The following OR4N2 variants were observed in gnomAD, a reference collection of about 807,000 sequenced individuals.
OR4N2 encodes the protein olfactory receptor 4N2.
For missense variants in OR4N2, 307 were observed against 377.6 expected, an observed-to-expected ratio of 0.81 and a Z score of 1.55; for synonymous variants, 141 against 140.4, an observed-to-expected ratio of 1.00 and a Z score of -0.03.
chr14:19,820,594 G>A (rs1238250545), intron 1 of OR4N2, among the ~76,000 whole-genome samples: 1 of 152,226 alleles, frequency 6.6e-6, no homozygotes, highest in Admixed American at 6.5e-5. Flanking sequence ...GCCCCTGACT[G>A]GGGACGCTGC....
intron 1 of OR4N2, among the ~76,000 whole-genome samples, chr14:19,813,512 T>C (rs1594395767): frequency 6.6e-6 from 1 of 152,260 alleles, no homozygotes; most frequent in African/African-American, 2.4e-5. Context: ...CTGCAGTAGA[T>C]TTTTCCTTAG....
intron 1 of OR4N2, among the ~76,000 whole-genome samples, chr14:19,811,403 C>T (rs202062253): frequency 3.3e-5 from 5 of 152,180 alleles, no homozygotes; most frequent in Admixed American, 3.3e-4. Context: ...CCCACCACCA[C>T]GCCTGGCTAA....
At position 19,827,687 on chromosome 14, in the gene OR4N2, G is replaced by C. The variant is rs139404162; in HGVS notation, c.239G>C (p.Arg80Pro). Residue 80 changes from arginine (R) to proline (P), a missense_variant, in exon 2 of 2, where the codon CGG becomes CCG. Arg to Pro is a moderately radical substitution (Grantham distance 103). Coordinates refer to ENST00000557677, the MANE Select transcript of OR4N2 (RefSeq NM_001004723.3). ...DASYSFIVAP[R>P]MLVDFLSAKK... The stretch of plus-strand genomic sequence containing the variant: ...TCCTACTCCTTCATTGTGGCTCCCC[G>C]GATGTTGGTGGACTTCCTCTCTGCG... The C allele has an allele frequency of 1.9e-6, 3 of 1,614,216 alleles. No individual in the cohort carries two copies. The highest frequency in any genetic ancestry group is 2.5e-6 in the Non-Finnish European group (3 of 1,180,030).
intron 1 of OR4N2, among the ~76,000 whole-genome samples, chr14:19,807,434 C>T (rs553328510): frequency 6.6e-6 from 1 of 152,046 alleles, no homozygotes; most frequent in South Asian, 2.1e-4. Context: ...AAAAGATACT[C>T]AAAGAATACT....
At chr14:19,809,738 C>T (rs1404742026) in intron 1 of OR4N2, among the ~76,000 whole-genome samples, 1 of 152,218 alleles carries the variant, frequency 6.6e-6, no homozygotes, top group Non-Finnish European at 1.5e-5. Context: ...AGGATAAAAA[C>T]AAGCAATAGG....
At chr14:19,824,002 TCTC>T (rs1460496635) in intron 1 of OR4N2, among the ~76,000 whole-genome samples, 1 of 152,204 alleles carries the variant, frequency 6.6e-6, no homozygotes, top group Non-Finnish European at 1.5e-5. Flanking sequence ...GGTGAACCCT[TCTC>T]CTTCATCTTC....
At chr14:19,825,242 C>T (rs1879664429) in intron 1 of OR4N2, among the ~76,000 whole-genome samples, 1 of 152,164 alleles carries the variant, frequency 6.6e-6, no homozygotes, top group Non-Finnish European at 1.5e-5. Flanking sequence ...ATGTGGCTGC[C>T]AGTAACACCC....
intron 1 of OR4N2, among the ~76,000 whole-genome samples, chr14:19,813,806 T>C (rs996155853): frequency 1.4e-4 from 20 of 145,980 alleles, no homozygotes; most frequent in African/African-American, 4.4e-4. Flanking sequence ...ATGGTCTTGC[T>C]CTCCTTGTGG....
intron 1 of OR4N2, among the ~76,000 whole-genome samples, chr14:19,825,454 A>G (rs1187616427): frequency 6.6e-6 from 1 of 151,958 alleles, no homozygotes; most frequent in African/African-American, 2.4e-5. Context: ...TTTCTTTTCT[A>G]GGTACTGTTG....
chr14:19,814,166 T>A (rs1879369802), intron 1 of OR4N2, among the ~76,000 whole-genome samples: 1 of 152,128 alleles, frequency 6.6e-6, no homozygotes, highest in Non-Finnish European at 1.5e-5. Flanking sequence ...ATTAATAAAA[T>A]AAATTTGTAT....
chr14:19,823,848 A>C (rs1380835810), intron 1 of OR4N2, among the ~76,000 whole-genome samples: 3 of 152,348 alleles, frequency 2.0e-5, no homozygotes, highest in Admixed American at 6.5e-5. Flanking sequence ...AAAGAGAGAA[A>C]AAGAAAAATA....
intron 1 of OR4N2, among the ~76,000 whole-genome samples, chr14:19,807,937 A>G (rs182581528): frequency 1.3e-4 from 20 of 152,332 alleles, no homozygotes; most frequent in African/African-American, 4.8e-4. Context: ...AATGTATGCA[A>G]ATCAATAAAT....
At chr14:19,820,043 G>A (rs1879525568) in intron 1 of OR4N2, among the ~76,000 whole-genome samples, 1 of 152,256 alleles carries the variant, frequency 6.6e-6, no homozygotes, top group Non-Finnish European at 1.5e-5. Context: ...ATTACTGCCT[G>A]TTCCTTCTTC....
chr14:19,816,640 A>AAATATAAAATCATGT (rs1257910223), intron 1 of OR4N2, among the ~76,000 whole-genome samples: 1 of 152,246 alleles, frequency 6.6e-6, no homozygotes, highest in Non-Finnish European at 1.5e-5. Context: ...TCATCTGCAA[A>AAATATAAAATCATGT]CTTTGACAAT....
chr14:19,809,292 T>A (rs1879239987), intron 1 of OR4N2, among the ~76,000 whole-genome samples: 1 of 152,196 alleles, frequency 6.6e-6, no homozygotes, highest in Non-Finnish European at 1.5e-5. Flanking sequence ...TCAGCCACAG[T>A]CTTGGCAGAG....
Position 19,827,821 on chromosome 14 carries a change from G to A in OR4N2, c.373G>A (p.Ala125Thr), listed in dbSNP as rs4060171. ...TGTGATGGCCTTTGACCGCTACATC[G>A]CCATCTGCCGGCCTCTGCACTATCC... ...LVVMAFDRYI[A>T]ICRPLHYPTV... The change falls in exon 2 of 2, where the codon GCC (alanine) becomes ACC (threonine). Residue 125 changes from alanine (A) to threonine (T), a missense_variant. Ala to Thr is a moderately conservative substitution (Grantham distance 58). Transcript: ENST00000557677. The A allele has an allele frequency of 2.4e-4, 384 of 1,614,156 alleles. 2 individuals carry two copies. Among genetic ancestry groups the A allele is most frequent in the Middle Eastern group, 1.8e-3 (11 of 6,062 alleles).
chr14:19,812,785 A>T (rs1879335014), intron 1 of OR4N2, among the ~76,000 whole-genome samples: 1 of 152,236 alleles, frequency 6.6e-6, no homozygotes, highest in Non-Finnish European at 1.5e-5. Flanking sequence ...TTGGCCGTAA[A>T]CATGTCTTCT....
chr14:19,823,845 G>A (rs1413703706), intron 1 of OR4N2, among the ~76,000 whole-genome samples: 2 of 152,078 alleles, frequency 1.3e-5, no homozygotes, highest in African/African-American at 4.8e-5. Flanking sequence ...AAGAAAGAGA[G>A]AAAAAGAAAA....
At chr14:19,821,381 G>T (rs1186513797) in intron 1 of OR4N2, among the ~76,000 whole-genome samples, 2 of 152,136 alleles carry the variant, frequency 1.3e-5, no homozygotes, top group Non-Finnish European at 2.9e-5. Context: ...GCTCTTATTT[G>T]GCCATCTTGC....
Sources: gnomAD v4.1 joint callset for allele counts (sites outside exome capture counted in the v4.1 genomes callset) on GRCh38, gnomAD v4.1.1 for gene constraint, MANE v1.5 for transcripts, NCBI Gene and HGNC (gene_info 2026-07-23, HGNC 2026-07-21) for gene names.